Variants in ZFYVE28 observed in about 807,000 individuals in gnomAD.
The protein encoded by ZFYVE28 is lateral signaling target protein 2 homolog.
A neutral mutation model predicts 82.1 loss-of-function variants in ZFYVE28; 40 were observed. The observed-to-expected ratio is 0.49, with a 90% CI of 0.38 to 0.63. ZFYVE28 has a LOEUF of 0.63. Ranked by LOEUF, ZFYVE28 falls within the 30% of genes least tolerant of loss-of-function variation. The pLI, the probability that ZFYVE28 is intolerant of heterozygous loss-of-function variation, is 0.00. For synonymous variants in ZFYVE28, 612 were observed against 546.1 expected (o/e 1.12, Z -1.68); for missense variants, 1,321 against 1,242.1 (o/e 1.06, Z -0.96).
chr4:2,340,848 C>T (rs1264995015), intron 3 of ZFYVE28, among the ~76,000 whole-genome samples: 1 of 152,080 alleles, frequency 6.6e-6, no homozygotes, highest in Admixed American at 6.5e-5. Flanking sequence ...AGACTCCGCA[C>T]CCCAGGGATT....
At chr4:2,331,429 C>T (rs1720691699) in intron 6 of ZFYVE28, among the ~76,000 whole-genome samples, 1 of 151,810 alleles carries the variant, frequency 6.6e-6, no homozygotes, top group Non-Finnish European at 1.5e-5. Context: ...ATTGCTAGAG[C>T]CCGGGAACTC....
At position 2,304,833 on chromosome 4, in the gene ZFYVE28, T is replaced by C. The variant is rs1716284376; in HGVS notation, c.1507A>G (p.Met503Val). Residue 503 changes from methionine (M) to valine (V), a missense_variant, in exon 8 of 13, where the codon ATG (methionine) becomes GTG (valine). By Grantham distance (21) the Met-to-Val change is conservative. Coordinates refer to ENST00000290974, the MANE Select transcript of ZFYVE28 (RefSeq NM_020972.3). ...VGADDAETAE[M>V]IAHRTGGMKL... Reference sequence around the variant, plus strand: ...ATGCCCCCTGTCCGGTGGGCGATCATCTCAGCCGTCTCTGCGTCATCCGCA... The same window carrying C: ...ATGCCCCCTGTCCGGTGGGCGATCACCTCAGCCGTCTCTGCGTCATCCGCA... 7.4e-6 allele frequency: 12 copies of C among 1,612,456 alleles called. No homozygotes were observed. Among genetic ancestry groups the C allele is most frequent in the Non-Finnish European group, 1.0e-5 (12 of 1,179,884 alleles).
At position 2,304,603 on chromosome 4, in the gene ZFYVE28, C is replaced by T. The variant is rs1357161100; in HGVS notation, c.1737G>A (p.Glu579=). 3 of 1,612,400 alleles carry T rather than the reference C, an allele frequency of 1.9e-6. No homozygotes were observed. The highest frequency in any genetic ancestry group is 1.3e-5 in the African/African-American group (1 of 75,054). ...CCGGGCTGCACTTCTCCCGCAGACG[C>T]TCCACCACGTCCTCCCTGCTGTCCC... The part of the protein sequence containing the change: ...SCGDSREDVV[E]RLREKCSPGG... The change falls in exon 8 of 13, where the codon GAG becomes GAA. Residue 579 remains glutamate, a synonymous_variant. Transcript: ENST00000290974.
intron 1 of ZFYVE28, among the ~76,000 whole-genome samples, chr4:2,356,399 CCCCGCCCCCCCGGCAGTTGGTGTG>C (rs1165654775): frequency 2.0e-5 from 3 of 151,238 alleles, no homozygotes; most frequent in African/African-American, 7.3e-5. Flanking sequence ...CAGACCCAGA[CCCCGCCCCCCCGGCAGTTGGTGTG>C]CCCGCCCCCT....
chr4:2,281,004 G>A (rs906135718), intron 8 of ZFYVE28, among the ~76,000 whole-genome samples: 4 of 152,322 alleles, frequency 2.6e-5, no homozygotes, highest in East Asian at 1.9e-4. Context: ...AAGGCTGGCC[G>A]ATTGCCCACG....
chr4:2,331,882 C>G (rs1720767469), intron 6 of ZFYVE28, among the ~76,000 whole-genome samples: 1 of 152,234 alleles, frequency 6.6e-6, no homozygotes. Flanking sequence ...CCCAGGCAGG[C>G]CTCCTCTGCC....
chr4:2,407,753 T>C (rs1372016926), intron 1 of ZFYVE28, among the ~76,000 whole-genome samples: 1 of 152,106 alleles, frequency 6.6e-6, no homozygotes, highest in Non-Finnish European at 1.5e-5. Context: ...CACGCCCAGC[T>C]AATTTTGTAT....
At chr4:2,354,816 A>C (rs1240901547) in intron 1 of ZFYVE28, among the ~76,000 whole-genome samples, 1 of 152,000 alleles carries the variant, frequency 6.6e-6, no homozygotes, top group Non-Finnish European at 1.5e-5. Flanking sequence ...ATAACAATAA[A>C]ATTTACTACA....
chr4:2,345,186 T>G (rs974771506), intron 2 of ZFYVE28, among the ~76,000 whole-genome samples: 1 of 151,140 alleles, frequency 6.6e-6, no homozygotes, highest in Non-Finnish European at 1.5e-5. Context: ...GGCAACAGAG[T>G]GAGACTCCAT....
chr4:2,378,065 C>T (rs1170782498), intron 1 of ZFYVE28, among the ~76,000 whole-genome samples: 1 of 152,196 alleles, frequency 6.6e-6, no homozygotes, highest in African/African-American at 2.4e-5. Context: ...ACAGGCTGGG[C>T]GCGGTGGCTC....
Position 2,305,251 on chromosome 4 carries a change from G to A in ZFYVE28, c.1089C>T (p.Pro363=). Residue 363 remains proline, a synonymous_variant, in exon 8 of 13, where the codon CCC becomes CCT. Coordinates refer to ENST00000290974, the MANE Select transcript of ZFYVE28 (RefSeq NM_020972.3). ...GDEMSSLLSP[P]IACQSPAHRP... is the part of the protein sequence containing the mutation. ...TGTGAGCTGGGGACTGGCAGGCAATGGGCGGTGAAAGCAAAGAGGACATCT... is the reference window on the plus strand; with the variant it reads ...TGTGAGCTGGGGACTGGCAGGCAATAGGCGGTGAAAGCAAAGAGGACATCT... 6.2e-7 allele frequency: 1 copy of A among 1,612,526 alleles called. No homozygotes were observed. Among genetic ancestry groups the A allele is most frequent in the Non-Finnish European group, 8.5e-7 (1 of 1,179,670 alleles).
intron 5 of ZFYVE28, 132 bp downstream of exon 5, chr4:2,337,275 G>A (rs35484376): frequency 0.12 from 82,602 of 713,090 alleles, 8,305 homozygotes; most frequent in East Asian, 0.49. Flanking sequence ...GGGAAGACAC[G>A]TCTGGTGCCT....
intron 6 of ZFYVE28, among the ~76,000 whole-genome samples, chr4:2,323,951 C>T (rs1719484609): frequency 6.6e-6 from 1 of 152,040 alleles, no homozygotes; most frequent in Non-Finnish European, 1.5e-5. Context: ...CATTGTTGGA[C>T]AATCACAATT....
Position 2,379,654 on chromosome 4 carries a change from T to C in ZFYVE28, c.40-25581A>G, listed in dbSNP as rs530192052. Reference sequence around the variant, plus strand: ...AATTCACATTGCCACCCCACCTCCCTCCTGTAATTTTATCCTCATGGGATA... The same window carrying C: ...AATTCACATTGCCACCCCACCTCCCCCCTGTAATTTTATCCTCATGGGATA... On this transcript the variant is annotated intron_variant, in intron 1 of 12. Coordinates refer to ENST00000290974, the MANE Select transcript of ZFYVE28 (RefSeq NM_020972.3). Among the ~76,000 whole-genome samples the C allele has an allele frequency of 3.2e-4, 49 of 152,300 alleles. 1 individual carries two copies. The South Asian group carries it at 1.0e-2, about 31-fold the overall frequency.
At chr4:2,309,432 G>A (rs73797716) in intron 7 of ZFYVE28, among the ~76,000 whole-genome samples, 1,651 of 152,070 alleles carry the variant, frequency 0.011, 32 homozygotes, top group African/African-American at 0.037. Flanking sequence ...ATTTCATTTC[G>A]CATTTATTTA....
chr4:2,352,876 C>T (rs1724681128), intron 2 of ZFYVE28, among the ~76,000 whole-genome samples: 1 of 152,220 alleles, frequency 6.6e-6, no homozygotes, highest in Non-Finnish European at 1.5e-5. Context: ...CATCTGATCC[C>T]CCTTCCTCAT....
rs1183126672 is a variant in ZFYVE28 at position 2,269,768 on chromosome 4, A to G, written c.*957T>C. 1 of 152,230 alleles carries G rather than the reference A, an allele frequency of 6.6e-6. No individual in the cohort carries two copies. The highest frequency in any genetic ancestry group is 6.5e-5 in the Admixed American group (1 of 15,280). 9.4% of individuals were successfully genotyped at this position (152,230 alleles called of 1,614,324 possible). On this transcript the variant is annotated 3_prime_UTR_variant, in exon 13 of 13. Transcript: ENST00000290974. The stretch of plus-strand genomic sequence containing the variant: ...GTAATTAGATTTATCCTAGAAAAGA[A>G]GCAGTAGGTGTGTCATCTCCAAAAA...
chr4:2,390,177 G>A (rs1383832471), intron 1 of ZFYVE28, among the ~76,000 whole-genome samples: 1 of 152,220 alleles, frequency 6.6e-6, no homozygotes, highest in Non-Finnish European at 1.5e-5. Flanking sequence ...GGTGGAGACT[G>A]GAGCAAGGCA....
At position 2,329,035 on chromosome 4, in the gene ZFYVE28, A is replaced by G. The variant is rs1222246598; in HGVS notation, c.701+6670T>C. 2.7e-5 allele frequency: 18 copies of G among 679,154 alleles called. No homozygotes were observed. In the African/African-American group the frequency reaches 2.8e-4, roughly 11 times the overall value. 42.1% of individuals were successfully genotyped at this position (679,154 alleles called of 1,614,324 possible). On this transcript the variant is annotated intron_variant, in intron 6 of 12. Transcript: ENST00000290974. ...AGGTTTTGACTTGTAGTAAGTTTTG[A>G]AATCAGGACGTATGAATCTTCCAAT...
Sources: gnomAD v4.1 joint callset for allele counts (sites outside exome capture counted in the v4.1 genomes callset) on GRCh38, gnomAD v4.1.1 for gene constraint, MANE v1.5 for transcripts, NCBI Gene and HGNC (gene_info 2026-07-23, HGNC 2026-07-21) for gene names.